Variants in UTRN observed in about 807,000 individuals in gnomAD.
UTRN encodes the protein dystrophin-related protein 1.
UTRN carries 283 observed loss-of-function variants against 463.9 expected under a neutral mutation model. The ratio of observed to expected loss-of-function variants is 0.61; its 90% CI spans 0.55 to 0.67. The LOEUF is 0.67. Among genes scored for constraint, UTRN ranks in the 30% least tolerant of loss-of-function variants. UTRN has a pLI of 0.00. For synonymous variants in UTRN, 1,442 were observed against 1,431.5 expected (o/e 1.01, Z -0.17); for missense variants, 3,922 against 4,084.3 (o/e 0.96, Z 1.08).
At chr6:144,821,701 T>A (rs1779620998) in intron 66 of UTRN, among the ~76,000 whole-genome samples, 1 of 151,840 alleles carries the variant, frequency 6.6e-6, no homozygotes, top group African/African-American at 2.4e-5. Flanking sequence ...AGAAAAAAAA[T>A]GTTTTTCAAT....
Position 144,290,752 on chromosome 6 carries a change from C to CTTTTT in UTRN, c.-92-960_-92-956dup, listed in dbSNP as rs200477118. On this transcript the variant is annotated intron_variant, in intron 1 of 74. Coordinates refer to ENST00000367545, the MANE Select transcript of UTRN (RefSeq NM_007124.3). ...TGGTCTACCTACAAGCCACAATCGTCTTTTTTTTTTTTTTTTTTTTTTTTT... is the reference window on the plus strand; with the variant it reads ...TGGTCTACCTACAAGCCACAATCGTCTTTTTTTTTTTTTTTTTTTTTTTTTTTTTT... Among the ~76,000 whole-genome samples the CTTTTT allele has an allele frequency of 1.1e-4, 11 of 99,166 alleles. 1 individual carries two copies. The highest frequency in any genetic ancestry group is 1.9e-4 in the Non-Finnish European group (10 of 51,452). 65.1% of individuals were successfully genotyped at this position (99,166 alleles called of 152,430 possible).
rs1052627855 is a variant in UTRN at position 144,765,916 on chromosome 6, G to A, written c.8496-5991G>A. 3.3e-5 allele frequency among the ~76,000 whole-genome samples: 5 copies of A among 151,594 alleles called. 1 individual carries two copies. Among genetic ancestry groups the A allele is most frequent in the African/African-American group, 7.3e-5 (3 of 41,196 alleles). Reference sequence around the variant, plus strand: ...TTTTTCTTGAAATTCTGACCTCCACGCTTCTTTTCTCTTAAGTTAATTTTT... The same window carrying A: ...TTTTTCTTGAAATTCTGACCTCCACACTTCTTTTCTCTTAAGTTAATTTTT... On this transcript the variant is annotated intron_variant, in intron 58 of 74. Transcript: ENST00000367545.
At chr6:144,438,655 C>G in intron 11 of UTRN, 90 bp from the exon 12 acceptor site, 1 of 1,527,706 alleles carries the variant, frequency 6.5e-7, no homozygotes, top group Non-Finnish European at 8.9e-7. Context: ...GGTGTCTTCC[C>G]TTGCCCTGTA....
chr6:144,817,074 G>C (rs1023657382), intron 65 of UTRN, among the ~76,000 whole-genome samples: 1 of 152,092 alleles, frequency 6.6e-6, no homozygotes, highest in African/African-American at 2.4e-5. Context: ...CTTGTAAAAA[G>C]GCTCAAGTTT....
At position 144,846,786 on chromosome 6, in the gene UTRN, CT is replaced by C. The variant is rs781131732; in HGVS notation, c.10271-15del. ...TAACAGGACTGCCATTAAGTGATTTCTTTTGTTTTCTCTTTCAGCAAATGTT... is the reference window on the plus strand; with the variant it reads ...TAACAGGACTGCCATTAAGTGATTTCTTTGTTTTCTCTTTCAGCAAATGTT... On this transcript the variant is annotated intron_variant, in intron 73 of 74. Transcript: ENST00000367545. 11 of 1,613,856 alleles carry C rather than the reference CT, an allele frequency of 6.8e-6. No homozygotes were observed. Among genetic ancestry groups the C allele is most frequent in the Non-Finnish European group, 8.5e-6 (10 of 1,179,910 alleles).
At chr6:144,298,637 A>G (rs2114525573) in intron 2 of UTRN, among the ~76,000 whole-genome samples, 1 of 152,362 alleles carries the variant, frequency 6.6e-6, no homozygotes, top group South Asian at 2.1e-4. Flanking sequence ...CACATAGAGC[A>G]TGAGAGTCAC....
intron 52 of UTRN, among the ~76,000 whole-genome samples, chr6:144,682,209 G>C (rs1322143527): frequency 1.3e-5 from 2 of 151,846 alleles, no homozygotes; most frequent in Non-Finnish European, 2.9e-5. Context: ...GAGTTCAATT[G>C]TTTTGATTTT....
intron 52 of UTRN, among the ~76,000 whole-genome samples, chr6:144,689,242 A>G (rs532024311): frequency 1.3e-5 from 2 of 152,278 alleles, no homozygotes; most frequent in South Asian, 4.1e-4. Context: ...ACCCACGCCA[A>G]GCTCCTGTGG....
intron 66 of UTRN, among the ~76,000 whole-genome samples, chr6:144,826,158 G>GA (rs1368387121): frequency 2.5e-5 from 3 of 117,934 alleles, no homozygotes; most frequent in South Asian, 2.5e-4. Context: ...AATAATAAAA[G>GA]AAAAAATAAA....
chr6:144,679,421 CTTTTG>C (rs1173324743), intron 52 of UTRN, among the ~76,000 whole-genome samples: 2 of 152,210 alleles, frequency 1.3e-5, no homozygotes, highest in East Asian at 3.9e-4. Flanking sequence ...CCTGGATCAG[CTTTTG>C]TTTTGTTTTG....
chr6:144,501,949 C>T (rs1003305162), intron 34 of UTRN, among the ~76,000 whole-genome samples: 9 of 151,898 alleles, frequency 5.9e-5, no homozygotes, highest in African/African-American at 1.7e-4. Flanking sequence ...TTAAAAATAC[C>T]GCTTTTTACT....
intron 2 of UTRN, among the ~76,000 whole-genome samples, chr6:144,372,598 G>A (rs987883141): frequency 1.3e-5 from 2 of 151,718 alleles, no homozygotes; most frequent in African/African-American, 4.8e-5. Context: ...AGGTTCAAGC[G>A]ATTCTCCTCC....
chr6:144,757,894 C>G (rs760058110), intron 57 of UTRN, 35 bp from the exon 58 acceptor site: 6 of 1,589,716 alleles, frequency 3.8e-6, no homozygotes, highest in Non-Finnish European at 5.1e-6. Context: ...TTTTTGGTTT[C>G]CAACGTTTCC....
In UTRN at chr6:144,537,612, G is replaced by A. The variant is rs753584528; in HGVS notation, c.6264G>A (p.Lys2088=). The change falls in exon 44 of 75, where the codon AAG becomes AAA. Residue 2088 remains lysine, a synonymous_variant. Transcript: ENST00000367545. ...AAGGAGAAAGTAAGCAGGTGATGAA[G>A]TACAGGCATCAGCTAGATGAGATTA... is the stretch of plus-strand genomic sequence containing the variant. The part of the protein sequence containing the change: ...RLKGESKQVM[K]YRHQLDEIIC... 6.2e-7 allele frequency: 1 copy of A among 1,607,296 alleles called. No homozygotes were observed. The highest frequency in any genetic ancestry group is 8.5e-7 in the Non-Finnish European group (1 of 1,177,202).
intron 54 of UTRN, among the ~76,000 whole-genome samples, chr6:144,740,468 T>C (rs972098393): frequency 6.6e-6 from 1 of 152,206 alleles, no homozygotes; most frequent in African/African-American, 2.4e-5. Flanking sequence ...ATATAAAAAT[T>C]TGAAGTATAA....
chr6:144,710,686 C>G (rs1192601395), intron 53 of UTRN, among the ~76,000 whole-genome samples: 2 of 152,274 alleles, frequency 1.3e-5, no homozygotes, highest in East Asian at 1.9e-4. Flanking sequence ...TAAAAGGTGG[C>G]TGATATCTTT....
intron 2 of UTRN, among the ~76,000 whole-genome samples, chr6:144,401,348 C>G (rs958140289): frequency 1.4e-4 from 22 of 152,108 alleles, no homozygotes; most frequent in Non-Finnish European, 8.8e-5. Context: ...TATATCCCCC[C>G]TTCAGGTTGA....
chr6:144,440,314 AAGT>A, intron 12 of UTRN, 35 bp from the exon 13 acceptor site: 1 of 1,611,558 alleles, frequency 6.2e-7, no homozygotes, highest in African/African-American at 1.3e-5. Flanking sequence ...GTAAATGTGA[AAGT>A]AGAAATAATG....
At chr6:144,651,230 A>G (rs1319423432) in intron 51 of UTRN, among the ~76,000 whole-genome samples, 1 of 152,104 alleles carries the variant, frequency 6.6e-6, no homozygotes, top group Non-Finnish European at 1.5e-5. Flanking sequence ...GAAAAAGTCA[A>G]TGCAGGCATT....
Sources: gnomAD v4.1 joint callset for allele counts (sites outside exome capture counted in the v4.1 genomes callset) on GRCh38, gnomAD v4.1.1 for gene constraint, MANE v1.5 for transcripts, NCBI Gene and HGNC (gene_info 2026-07-23, HGNC 2026-07-21) for gene names.